TERT: variants seen among roughly 807,000 people sequenced by gnomAD.
TERT encodes telomerase reverse transcriptase, also known as telomerase catalytic subunit.
TERT carries 42 observed loss-of-function variants against 104.0 expected under a neutral mutation model. That is an observed-to-expected ratio of 0.40 (90% CI 0.32 to 0.52). The LOEUF (loss-of-function observed/expected upper bound fraction) is 0.52, where lower values mean the gene tolerates loss of function less well. Among genes scored for constraint, TERT ranks in the 20% least tolerant of loss-of-function variants. The pLI, the probability that TERT is intolerant of heterozygous loss-of-function variation, is 0.43. For synonymous variants in TERT, 781 were observed against 725.6 expected (o/e 1.08, Z -1.23); for missense variants, 1,101 against 1,610.3 (o/e 0.68, Z 5.41).
At chr5:1,275,220 CAAAAATTAGT>C (rs1749469238) in intron 6 of TERT, among the ~76,000 whole-genome samples, 1 of 151,972 alleles carries the variant, frequency 6.6e-6, no homozygotes. Flanking sequence ...ACTAAAATTA[CAAAAATTAGT>C]CAGCATGGTG....
At position 1,279,395 on chromosome 5, in the gene TERT, G is replaced by T. The variant is rs1295347738; in HGVS notation, c.2026C>A (p.Leu676Met). 1 of 1,556,590 alleles carries T rather than the reference G, an allele frequency of 6.4e-7. No homozygotes were observed. The highest frequency in any genetic ancestry group is 8.7e-7 in the Non-Finnish European group (1 of 1,151,992). ...NYERARRPGL[L>M]GASVLGLDDI... ...TCCAGGCCCAGCACAGAGGCGCCCA[G>T]GAGGCCGGGGCGCCGCGCCCGCTCG... Residue 676 changes from leucine to methionine, a missense_variant, in exon 5 of 16, where the codon CTG (leucine) becomes ATG (methionine). By Grantham distance (15) the Leu-to-Met change is conservative. Coordinates refer to ENST00000310581, the MANE Select transcript of TERT (RefSeq NM_198253.3).
rs137939560 is a variant in TERT at position 1,256,160 on chromosome 5, C to A, written c.3033-749G>T. Among the ~76,000 whole-genome samples, 1 of 152,016 alleles carries A rather than the reference C, an allele frequency of 6.6e-6. No individual in the cohort carries two copies. Among genetic ancestry groups the A allele is most frequent in the African/African-American group, 2.4e-5 (1 of 41,392 alleles). On this transcript the variant is annotated intron_variant, in intron 13 of 15. Transcript: ENST00000310581. This position sits in a 1 kb window ranked among gnomAD's most constrained non-coding sequence, Gnocchi z 7.0. Reference sequence around the variant, plus strand: ...CAAGTATTGGAACTACAGGCGCACACCACCATGCTCAGCTAATTTTTGTTT... The same window carrying A: ...CAAGTATTGGAACTACAGGCGCACAACACCATGCTCAGCTAATTTTTGTTT...
At chr5:1,260,370 C>G in intron 12 of TERT, 104 bp downstream of exon 12, 2 of 1,570,528 alleles carry the variant, frequency 1.3e-6, no homozygotes, top group Non-Finnish European at 1.7e-6. Flanking sequence ...TTACGTGCAG[C>G]CAGTCACCAT....
Position 1,263,130 on chromosome 5 carries a change from C to T in TERT, c.2843+1274G>A, listed in dbSNP as rs1227529935. Among the ~76,000 whole-genome samples, 3 of 152,118 alleles carry T rather than the reference C, an allele frequency of 2.0e-5. No individual in the cohort carries two copies. The highest frequency in any genetic ancestry group is 4.4e-5 in the Non-Finnish European group (3 of 68,020). On this transcript the variant is annotated intron_variant, in intron 11 of 15. Coordinates refer to ENST00000310581, the MANE Select transcript of TERT (RefSeq NM_198253.3). The surrounding 1 kb of genome is among the most constrained non-coding windows in gnomAD (Gnocchi z 5.3). ...GTCTGCACCTGCTGCTCCCCCATCA[C>T]GAGGGTGTCCACACCTGCTGCTCCC...
At position 1,257,073 on chromosome 5, in the gene TERT, GTGTTTGGAAACGGCCCGTGGC is replaced by G. The variant is rs1747798383; in HGVS notation, c.3032+1504_3032+1524del. On this transcript the variant is annotated intron_variant, in intron 13 of 15. Coordinates refer to ENST00000310581, the MANE Select transcript of TERT (RefSeq NM_198253.3). The surrounding 1 kb of genome is among the most constrained non-coding windows in gnomAD (Gnocchi z 5.6). ...CTGGGCCTTCCACGTGCCTGACTCT[GTGTTTGGAAACGGCCCGTGGC>G]CCATCGCATCTCGGCCTCCTCAGGG... Among the ~76,000 whole-genome samples, 1 of 152,174 alleles carries G rather than the reference GTGTTTGGAAACGGCCCGTGGC, an allele frequency of 6.6e-6. No homozygotes were observed. The highest frequency in any genetic ancestry group is 1.5e-5 in the Non-Finnish European group (1 of 68,036).
At position 1,260,612 on chromosome 5, in the gene TERT, G is replaced by C. The variant is rs199765802; in HGVS notation, c.2844-12C>G. The C allele has an allele frequency of 1.7e-5, 27 of 1,613,672 alleles. No individual in the cohort carries two copies. In the African/African-American group the frequency reaches 1.9e-4, roughly 11 times the overall value. On this transcript the variant is annotated splice_polypyrimidine_tract_variant and intron_variant, in intron 11 of 15. Coordinates refer to ENST00000310581, the MANE Select transcript of TERT (RefSeq NM_198253.3). The stretch of plus-strand genomic sequence containing the variant: ...AGGTCCGGGCATAGCTGAGACACAG[G>C]GGGGAATGTCAGACACAGGTGCCTG...
intron 6 of TERT, among the ~76,000 whole-genome samples, chr5:1,278,256 G>A (rs1749751914): frequency 6.6e-6 from 1 of 152,154 alleles, no homozygotes; most frequent in African/African-American, 2.4e-5. Flanking sequence ...GCCTGGAGGA[G>A]GAAGGAGTAA....
rs1747458822 is a variant in TERT, at chr5:1,253,297, T to C, written c.*431A>G. ...GTGTACAGGGCACACCTTTGGTCACTCCAAATTCCCAGAGCTCCCAGGGTC... is the reference window on the plus strand; with the variant it reads ...GTGTACAGGGCACACCTTTGGTCACCCCAAATTCCCAGAGCTCCCAGGGTC... On this transcript the variant is annotated 3_prime_UTR_variant, in exon 16 of 16. Coordinates refer to ENST00000310581, the MANE Select transcript of TERT (RefSeq NM_198253.3). 2 of 379,976 alleles carry C rather than the reference T, an allele frequency of 5.3e-6. No individual in the cohort carries two copies. The highest frequency in any genetic ancestry group is 9.8e-6 in the Non-Finnish European group (2 of 203,914). 23.5% of individuals were successfully genotyped at this position (379,976 alleles called of 1,614,324 possible).
At chr5:1,254,123 C>T (rs894120290) in intron 15 of TERT, among the ~76,000 whole-genome samples, 1 of 152,150 alleles carries the variant, frequency 6.6e-6, no homozygotes, top group Admixed American at 6.5e-5. Context: ...GGCTCCCAAG[C>T]GTGGGGAGCC....
chr5:1,268,685 C>G lies in TERT; in HGVS notation c.2469-52G>C, dbSNP rs770091645. 1 of 1,314,404 alleles carries G rather than the reference C, an allele frequency of 7.6e-7. No individual in the cohort carries two copies. Among genetic ancestry groups the G allele is most frequent in the Non-Finnish European group, 1.1e-6 (1 of 911,804 alleles). The allele number at this position is 1,314,404 out of a possible 1,614,324, so 81.4% of individuals were successfully genotyped here. ...ACGGGCAGGGCATGTGCTGGACATG[C>G]GTACACTCAAACCGAGCCACACACA... is the stretch of plus-strand genomic sequence containing the variant. On this transcript the variant is annotated intron_variant, in intron 8 of 15. Transcript: ENST00000310581. This position sits in a 1 kb window ranked among gnomAD's most constrained non-coding sequence, Gnocchi z 5.5.
chr5:1,278,935 C>G (rs1184260499), intron 5 of TERT, 139 bp from the exon 6 acceptor site: 1 of 1,214,366 alleles, frequency 8.2e-7, no homozygotes, highest in African/African-American at 1.5e-5. Context: ...GCAGGGCGGG[C>G]TGTGTCCCCT....
At chr5:1,284,057 C>A (rs1438535933) in intron 2 of TERT, among the ~76,000 whole-genome samples, 1 of 147,256 alleles carries the variant, frequency 6.8e-6, no homozygotes, top group Non-Finnish European at 1.5e-5. Flanking sequence ...GGATACAGCA[C>A]ATCCAGCTCA....
At chr5:1,290,556 T>C (rs368285823) in intron 2 of TERT, among the ~76,000 whole-genome samples, 993 of 11,258 alleles carry the variant, frequency 0.088, no homozygotes, top group South Asian at 0.15. Flanking sequence ...CCGGGGACGG[T>C]GCCTCACTCA....
rs111667028 is a variant in TERT at position 1,276,427 on chromosome 5, C to T, written c.2286+2214G>A. On this transcript the variant is annotated intron_variant, in intron 6 of 15. Transcript: ENST00000310581. The stretch of plus-strand genomic sequence containing the variant: ...CAATCCCACAGATCCCCACCTACCC[C>T]ACGGATGAAAACCAATTCACATATC... Among the ~76,000 whole-genome samples, 6 of 146,004 alleles carry T rather than the reference C, an allele frequency of 4.1e-5. 1 individual carries two copies. The highest frequency in any genetic ancestry group is 1.5e-4 in the African/African-American group (6 of 39,400).
At chr5:1,277,465 C>T (rs1034332918) in intron 6 of TERT, among the ~76,000 whole-genome samples, 7 of 152,330 alleles carry the variant, frequency 4.6e-5, no homozygotes, top group Non-Finnish European at 8.8e-5. Flanking sequence ...CTGAGGCGTT[C>T]AGCATAGCTG....
intron 2 of TERT, among the ~76,000 whole-genome samples, chr5:1,289,195 G>A (rs1405397084): frequency 6.8e-6 from 1 of 147,952 alleles, no homozygotes; most frequent in Admixed American, 6.7e-5. Context: ...ACACGTGACA[G>A]GGACACCCGG....
Position 1,293,325 on chromosome 5 carries a change from G to T in TERT, c.1561C>A (p.Arg521Ser). Residue 521 changes from arginine to serine, a missense_variant, in exon 2 of 16, where the codon CGC (arginine) becomes AGC (serine). Physicochemically the swap from Arg to Ser is moderately radical, Grantham distance 110 (BLOSUM62 -1). Around this residue, in one of 5 missense-constraint regions of TERT, gnomAD observed 504 missense variants for 544.6 expected, o/e 0.93. Transcript: ENST00000310581. The stretch of plus-strand genomic sequence containing the variant: ...ACCACCTCCTCACCTGGGCTCCTGC[G>T]CAGCCAAGCGCAGTCCCGCACGCTC... ...KMSVRDCAWL[R>S]RSPGVGCVPA... 1.2e-6 allele frequency: 2 copies of T among 1,613,006 alleles called. No homozygotes were observed. Among genetic ancestry groups the T allele is most frequent in the South Asian group, 1.1e-5 (1 of 91,076 alleles).
At chr5:1,289,840 A>C (rs1479643024) in intron 2 of TERT, among the ~76,000 whole-genome samples, 13 of 73,052 alleles carry the variant, frequency 1.8e-4, no homozygotes, top group East Asian at 5.7e-4. Flanking sequence ...ACCCGGGGAC[A>C]GTGCCTCACT....
At chr5:1,282,242 C>A in intron 3 of TERT, among the ~76,000 whole-genome samples, 187 bp downstream of exon 3, 1 of 152,344 alleles carries the variant, frequency 6.6e-6, no homozygotes, top group Non-Finnish European at 1.5e-5. Context: ...AGTAAGAGAA[C>A]GTGAGCTCCA....
Sources: gnomAD v4.1 joint callset for allele counts (sites outside exome capture counted in the v4.1 genomes callset) on GRCh38, gnomAD v4.1.1 for gene constraint, gnomAD v4.1.1 regional missense constraint, Gnocchi (gnomAD v3.1) non-coding constraint, MANE v1.5 for transcripts, NCBI Gene and HGNC (gene_info 2026-07-23, HGNC 2026-07-21) for gene names.